TRIM71: variants seen among roughly 807,000 people sequenced by gnomAD.
The protein encoded by TRIM71 is tripartite motif containing 71.
Under a neutral mutation model 61.2 loss-of-function variants are expected in TRIM71, and 9 were observed. That is an observed-to-expected ratio of 0.15 (90% CI 0.09 to 0.26). The LOEUF is 0.26. Ranked by LOEUF, TRIM71 falls within the 10% of genes least tolerant of loss-of-function variation. The probability of loss-of-function intolerance (pLI) is 1.00; values close to 1 mark genes in which losing one functional copy is unlikely to be tolerated. For missense variants in TRIM71, 998 were observed against 1,238.7 expected (o/e 0.81, Z 2.92); for synonymous variants, 645 against 553.2 (o/e 1.17, Z -2.33).
chr3:32,859,369 C>T (rs1696640558), intron 1 of TRIM71, among the ~76,000 whole-genome samples: 1 of 152,140 alleles, frequency 6.6e-6, no homozygotes, highest in South Asian at 2.1e-4. Context: ...AAACGATTCT[C>T]CTGCCTCAGC....
Position 32,838,049 on chromosome 3 carries a change from G to A in TRIM71, c.852+19117G>A, listed in dbSNP as rs79730548. ...ACACTTTTCATTGAGCATCTGCCAT[G>A]TGCCTGGCTATCCGGGTGTTTGAGG... is the stretch of plus-strand genomic sequence containing the variant. On this transcript the variant is annotated intron_variant, in intron 1 of 3. Transcript: ENST00000383763. Among the ~76,000 whole-genome samples, 135 of 152,240 alleles carry A rather than the reference G, an allele frequency of 8.9e-4. 1 individual carries two copies. In the East Asian group the frequency reaches 0.024, roughly 27 times the overall value.
Position 32,844,043 on chromosome 3 carries a change from C to T in TRIM71, c.852+25111C>T, listed in dbSNP as rs146961661. On this transcript the variant is annotated intron_variant, in intron 1 of 3. Coordinates refer to ENST00000383763, the MANE Select transcript of TRIM71 (RefSeq NM_001039111.3). ...AAACTATGAGAGCCGAAGTATTTTA[C>T]GGGGAAATTATCTGTAGTGACTGCC... is the stretch of plus-strand genomic sequence containing the variant. 6.2e-3 allele frequency among the ~76,000 whole-genome samples: 939 copies of T among 152,252 alleles called. 9 individuals carry two copies. The highest frequency in any genetic ancestry group is 0.018 in the African/African-American group (760 of 41,538).
At chr3:32,879,817 G>A (rs571296711) in intron 2 of TRIM71, among the ~76,000 whole-genome samples, 3 of 151,776 alleles carry the variant, frequency 2.0e-5, no homozygotes, top group Admixed American at 6.6e-5. Context: ...TACAAAAAAT[G>A]AAGAAGGTTA....
At chr3:32,846,553 A>C (rs1471262685) in intron 1 of TRIM71, among the ~76,000 whole-genome samples, 1 of 152,190 alleles carries the variant, frequency 6.6e-6, no homozygotes, top group Non-Finnish European at 1.5e-5. Context: ...CATCATTAAC[A>C]ACTGTGGTCA....
chr3:32,819,938 A>G (rs989727303), intron 1 of TRIM71, among the ~76,000 whole-genome samples: 2 of 152,286 alleles, frequency 1.3e-5, no homozygotes, highest in Non-Finnish European at 2.9e-5. Flanking sequence ...TGGGCTGTCG[A>G]GTAAACATTT....
chr3:32,888,434 CA>C (rs56834147), intron 3 of TRIM71, among the ~76,000 whole-genome samples: 1 of 95,856 alleles, frequency 1.0e-5, no homozygotes, highest in African/African-American at 4.5e-5. Context: ...CCATCTCTAC[CA>C]AAAAAAAAAA....
chr3:32,847,167 G>A (rs1045692119), intron 1 of TRIM71, among the ~76,000 whole-genome samples: 3 of 151,166 alleles, frequency 2.0e-5, no homozygotes, highest in African/African-American at 7.3e-5. Context: ...TTGGACTACA[G>A]GCTCTCGCCG....
chr3:32,857,051 A>G (rs902498186), intron 1 of TRIM71, among the ~76,000 whole-genome samples: 16 of 152,144 alleles, frequency 1.1e-4, no homozygotes, highest in African/African-American at 2.9e-4. Context: ...AAGTTGGCCC[A>G]AAGTTGTGTC....
At chr3:32,855,270 G>GA (rs1256109213) in intron 1 of TRIM71, among the ~76,000 whole-genome samples, 1 of 152,022 alleles carries the variant, frequency 6.6e-6, no homozygotes, top group African/African-American at 2.4e-5. Flanking sequence ...GGGCTTTGAG[G>GA]AAAGTTAAGT....
At chr3:32,848,319 C>G (rs1413837456) in intron 1 of TRIM71, among the ~76,000 whole-genome samples, 1 of 152,202 alleles carries the variant, frequency 6.6e-6, no homozygotes. Flanking sequence ...TTTCTGCCCT[C>G]TTAGTTCTAC....
At chr3:32,878,275 CTT>C (rs994079644) in intron 2 of TRIM71, among the ~76,000 whole-genome samples, 1 of 152,178 alleles carries the variant, frequency 6.6e-6, no homozygotes, top group East Asian at 1.9e-4. Flanking sequence ...TGAAGGGAAT[CTT>C]TTTTTCTGAG....
chr3:32,881,883 T>G (rs1357000338), intron 2 of TRIM71, among the ~76,000 whole-genome samples: 1 of 152,212 alleles, frequency 6.6e-6, no homozygotes, highest in African/African-American at 2.4e-5. Context: ...ATTTTTCCAC[T>G]ATGCATTGGG....
chr3:32,851,593 C>T (rs140022407), intron 1 of TRIM71, among the ~76,000 whole-genome samples: 3,156 of 152,202 alleles, frequency 0.021, 105 homozygotes, highest in African/African-American at 0.072. Flanking sequence ...ATTTTCCTGC[C>T]TCAGCCTCCC....
chr3:32,854,091 T>TA (rs1195163013), intron 1 of TRIM71, among the ~76,000 whole-genome samples: 1 of 152,108 alleles, frequency 6.6e-6, no homozygotes, highest in Non-Finnish European at 1.5e-5. Context: ...TGGGTTCAAG[T>TA]AATTCTCATG....
intron 1 of TRIM71, among the ~76,000 whole-genome samples, chr3:32,827,054 C>T (rs969707179): frequency 9.2e-5 from 14 of 152,086 alleles, no homozygotes; most frequent in African/African-American, 3.4e-4. Context: ...CATGAGCCAC[C>T]GCGCCCGGGC....
chr3:32,824,014 G>C (rs374622585), intron 1 of TRIM71, among the ~76,000 whole-genome samples: 1 of 151,896 alleles, frequency 6.6e-6, no homozygotes, highest in East Asian at 1.9e-4. Context: ...GGCGGAGGCC[G>C]CAGTGATCCG....
chr3:32,831,130 C>T (rs138277712), intron 1 of TRIM71, among the ~76,000 whole-genome samples: 84 of 151,966 alleles, frequency 5.5e-4, no homozygotes, highest in Middle Eastern at 3.4e-3. Flanking sequence ...TTTTTCCCCA[C>T]GTTATATAGA....
rs938319907 is a variant in TRIM71 at position 32,894,732 on chromosome 3, C to G, written c.*2921C>G. The G allele has an allele frequency of 2.6e-5, 4 of 152,284 alleles. No individual in the cohort carries two copies. The highest frequency in any genetic ancestry group is 3.9e-4 in the East Asian group (2 of 5,182). The allele number at this position is 152,284 out of a possible 1,614,324, so 9.4% of individuals were successfully genotyped here. ...TTGTATGATGTGAAATGTTCTAAAT[C>G]AAAGAAAGATGATAAAAGCCAACAT... On this transcript the variant is annotated 3_prime_UTR_variant, in exon 4 of 4. Coordinates refer to ENST00000383763, the MANE Select transcript of TRIM71 (RefSeq NM_001039111.3).
intron 1 of TRIM71, among the ~76,000 whole-genome samples, chr3:32,853,879 C>T (rs569325139): frequency 6.6e-6 from 1 of 152,260 alleles, no homozygotes; most frequent in East Asian, 1.9e-4. Flanking sequence ...TGGCGTGTGC[C>T]TGTAGACCCA....
Sources: allele counts gnomAD v4.1 joint callset (sites outside exome capture counted in the v4.1 genomes callset), GRCh38; gene constraint gnomAD v4.1.1; transcripts MANE v1.5; gene names NCBI Gene and HGNC (gene_info 2026-07-23, HGNC 2026-07-21).